C3orf20: variants seen among roughly 807,000 people sequenced by gnomAD.
The protein encoded by C3orf20 is family with sequence similarity 149 member C, also known as uncharacterized protein C3orf20.
In C3orf20, 76 loss-of-function variants were observed where a neutral mutation model predicts 88.3. The observed-to-expected ratio is 0.86, with a 90% CI of 0.72 to 1.04. C3orf20 has a LOEUF of 1.04. C3orf20 is among the 50% of genes least tolerant of loss of function. The probability of loss-of-function intolerance (pLI) is 0.00; values close to 1 mark genes in which losing one functional copy is unlikely to be tolerated. For synonymous variants in C3orf20, 436 were observed against 437.4 expected (o/e 1.00, Z 0.04); for missense variants, 1,056 against 1,123.3 (o/e 0.94, Z 0.86).
intron 5 of C3orf20, among the ~76,000 whole-genome samples, chr3:14,695,811 C>G (rs561379018): frequency 4.9e-4 from 75 of 152,158 alleles, no homozygotes; most frequent in African/African-American, 1.8e-3. Flanking sequence ...TACTCCTGCT[C>G]TTTTTTGATT....
intron 12 of C3orf20, among the ~76,000 whole-genome samples, chr3:14,752,496 T>C (rs1317911255): frequency 6.6e-6 from 1 of 152,130 alleles, no homozygotes; most frequent in Non-Finnish European, 1.5e-5. Flanking sequence ...TGGGATCTAA[T>C]CAAACTAAAG....
At position 14,757,411 on chromosome 3, in the gene C3orf20, G is replaced by T; in HGVS notation, c.1981G>T (p.Ala661Ser). The T allele has an allele frequency of 6.2e-7, 1 of 1,611,984 alleles. No homozygotes were observed. Among genetic ancestry groups the T allele is most frequent in the Non-Finnish European group, 8.5e-7 (1 of 1,179,854 alleles). The change falls in exon 13 of 17, where the codon GCC (alanine) becomes TCC (serine). Residue 661 changes from alanine (A) to serine (S), a missense_variant. Physicochemically the swap from Ala to Ser is moderately conservative, Grantham distance 99. Coordinates refer to ENST00000253697, the MANE Select transcript of C3orf20 (RefSeq NM_032137.5). ...REGRSPTRWA[A>S]LPSDCPLVLR... ...GGGGCGCAGCCCCACCAGGTGGGCG[G>T]CCTTGCCCTCAGACTGCCCGCTGGT...
At chr3:14,695,871 TGC>T (rs1325976846) in intron 5 of C3orf20, among the ~76,000 whole-genome samples, 7 of 152,164 alleles carry the variant, frequency 4.6e-5, no homozygotes, top group African/African-American at 1.7e-4. Context: ...TCAGTTTATG[TGC>T]GTCTTTATAA....
chr3:14,677,856 A>T lies in C3orf20; in HGVS notation c.-299+2604A>T, dbSNP rs2031861565. ...TAAGTGTGCTGTGGGTGCAGCTCAC[A>T]TCCTTGGCTAACCCCTAGCAGCAGC... On this transcript the variant is annotated intron_variant, in intron 1 of 16. Transcript: ENST00000253697. 2.6e-5 allele frequency among the ~76,000 whole-genome samples: 4 copies of T among 152,104 alleles called. No homozygotes were observed. The South Asian group carries it at 8.3e-4, about 31-fold the overall frequency.
At chr3:14,766,567 G>A (rs959625565) in intron 15 of C3orf20, among the ~76,000 whole-genome samples, 2 of 152,232 alleles carry the variant, frequency 1.3e-5, no homozygotes, top group African/African-American at 4.8e-5. Context: ...AGGGGCAGCC[G>A]GCGAGGGGGA....
intron 12 of C3orf20, among the ~76,000 whole-genome samples, chr3:14,732,707 G>A (rs554818877): frequency 6.6e-6 from 1 of 152,224 alleles, no homozygotes; most frequent in Non-Finnish European, 1.5e-5. Flanking sequence ...GCACAAAACA[G>A]CTCCACATTA....
At chr3:14,745,474 C>T (rs1054717997) in intron 12 of C3orf20, among the ~76,000 whole-genome samples, 2 of 152,198 alleles carry the variant, frequency 1.3e-5, no homozygotes, top group African/African-American at 4.8e-5. Flanking sequence ...CACAATATGT[C>T]ATGAATAGCT....
intron 9 of C3orf20, among the ~76,000 whole-genome samples, chr3:14,720,527 G>T (rs2034114843): frequency 6.9e-6 from 1 of 145,458 alleles, no homozygotes. Context: ...GAGCAAAGCA[G>T]AGAGTGGTTG....
chr3:14,696,039 G>C (rs973047477), intron 5 of C3orf20, among the ~76,000 whole-genome samples: 6 of 150,848 alleles, frequency 4.0e-5, no homozygotes, highest in African/African-American at 1.5e-4. Context: ...TTGTTTTGTG[G>C]TCTTCTCATT....
chr3:14,682,382 C>G (rs370009136), intron 2 of C3orf20, 51 bp downstream of exon 2: 5 of 246,378 alleles, frequency 2.0e-5, no homozygotes, highest in Non-Finnish European at 1.6e-5. Context: ...CTCCAGCCCC[C>G]CCAGGGTCCT....
At chr3:14,727,725 C>A (rs1265130760) in intron 11 of C3orf20, among the ~76,000 whole-genome samples, 1 of 152,198 alleles carries the variant, frequency 6.6e-6, no homozygotes, top group Non-Finnish European at 1.5e-5. Flanking sequence ...TCGGTCACAC[C>A]TCCTTTGGGC....
intron 5 of C3orf20, among the ~76,000 whole-genome samples, chr3:14,700,549 T>A (rs1435579141): frequency 1.3e-5 from 2 of 152,224 alleles, no homozygotes; most frequent in Non-Finnish European, 2.9e-5. Context: ...GATTGCTACA[T>A]GTCTATTGGC....
chr3:14,728,689 G>T lies in C3orf20; in HGVS notation c.1940+1G>T. The T allele has an allele frequency of 1.9e-6, 3 of 1,612,934 alleles. No homozygotes were observed. The highest frequency in any genetic ancestry group is 2.2e-5 in the South Asian group (2 of 91,006). On this transcript the variant is annotated splice_donor_variant, in intron 12 of 16. Coordinates refer to ENST00000253697, the MANE Select transcript of C3orf20 (RefSeq NM_032137.5). LOFTEE classifies it high-confidence loss of function. ...ACACCAAAGCCAAGGTCACATCCAGGTTGGCTTGGTCCTTCACGTCTTCCG... is the reference window on the plus strand; with the variant it reads ...ACACCAAAGCCAAGGTCACATCCAGTTTGGCTTGGTCCTTCACGTCTTCCG...
intron 5 of C3orf20, among the ~76,000 whole-genome samples, chr3:14,691,194 G>A (rs1235681126): frequency 6.6e-6 from 1 of 152,230 alleles, no homozygotes; most frequent in Non-Finnish European, 1.5e-5. Context: ...TTCCGGGCAC[G>A]GAGTAGCTTC....
At chr3:14,679,544 C>T (rs1332719991) in intron 1 of C3orf20, among the ~76,000 whole-genome samples, 1 of 152,104 alleles carries the variant, frequency 6.6e-6, no homozygotes, top group South Asian at 2.1e-4. Context: ...ACCTTTAATG[C>T]GAAGTTTCCC....
chr3:14,738,748 C>CTCCTGCCTCCAAGCGACTA (rs1219224423), intron 12 of C3orf20, among the ~76,000 whole-genome samples: 9 of 148,976 alleles, frequency 6.0e-5, no homozygotes, highest in African/African-American at 4.9e-5. Flanking sequence ...TCAAGCGACT[C>CTCCTGCCTCCAAGCGACTA]TCCTGCCTCA....
intron 15 of C3orf20, among the ~76,000 whole-genome samples, chr3:14,763,836 C>T (rs867170139): frequency 6.6e-6 from 1 of 152,122 alleles, no homozygotes; most frequent in South Asian, 2.1e-4. Flanking sequence ...TTACTGCCTA[C>T]CCTTGTTAGT....
intron 12 of C3orf20, among the ~76,000 whole-genome samples, chr3:14,729,124 T>C (rs2124989820): frequency 6.6e-6 from 1 of 152,316 alleles, no homozygotes; most frequent in Middle Eastern, 3.4e-3. Context: ...CTTGTGACAG[T>C]GGACATTGAG....
At chr3:14,726,235 CAGAA>C (rs1467767897) in intron 10 of C3orf20, among the ~76,000 whole-genome samples, 1 of 152,232 alleles carries the variant, frequency 6.6e-6, no homozygotes, top group Admixed American at 6.5e-5. Context: ...GCCCTGGAGT[CAGAA>C]TGATCCTTCA....
Sources: allele counts gnomAD v4.1 joint callset (sites outside exome capture counted in the v4.1 genomes callset), GRCh38; gene constraint gnomAD v4.1.1; transcripts MANE v1.5; gene names NCBI Gene and HGNC (gene_info 2026-07-23, HGNC 2026-07-21).